Variants in THRB observed in about 807,000 individuals in gnomAD.
THRB encodes nuclear receptor subfamily 1 group A member 2.
Under a neutral mutation model 47.8 loss-of-function variants are expected in THRB, and 12 were observed. The ratio of observed to expected loss-of-function variants is 0.25; its 90% CI spans 0.16 to 0.41. The LOEUF is 0.41. THRB is among the 10% of genes least tolerant of loss of function. The pLI, the probability that THRB is intolerant of heterozygous loss-of-function variation, is 1.00. For synonymous variants in THRB, 218 were observed against 212.2 expected, an observed-to-expected ratio of 1.03 and a Z score of -0.24; for missense variants, 348 against 589.2, an observed-to-expected ratio of 0.59 and a Z score of 4.24.
intron 1 of THRB, among the ~76,000 whole-genome samples, 153 bp from the exon 2 acceptor site, chr3:24,337,524 T>A (rs529632751): frequency 6.6e-6 from 1 of 152,330 alleles, no homozygotes; most frequent in East Asian, 1.9e-4. Context: ...TAGACTTAGA[T>A]AAAATCTTAT....
chr3:24,270,349 C>T (rs1349815573), intron 3 of THRB, among the ~76,000 whole-genome samples: 2 of 152,142 alleles, frequency 1.3e-5, no homozygotes, highest in African/African-American at 4.8e-5. Flanking sequence ...CCATGAATTG[C>T]TCACTCCCTG....
In THRB at chr3:24,385,575, T is replaced by C. The variant is rs1367283795; in HGVS notation, c.-260-48204A>G. On this transcript the variant is annotated intron_variant, in intron 1 of 10. Transcript: ENST00000646209. ...AATCCTTGAGAGTTTGGACTACATA[T>C]TGTAAACATGGATCCTACAATTACA... Among the ~76,000 whole-genome samples, 4 of 152,112 alleles carry C rather than the reference T, an allele frequency of 2.6e-5. No individual in the cohort carries two copies. In the East Asian group the frequency reaches 7.7e-4, roughly 29 times the overall value.
At chr3:24,132,388 A>G (rs940817423) in intron 9 of THRB, among the ~76,000 whole-genome samples, 4 of 152,260 alleles carry the variant, frequency 2.6e-5, no homozygotes, top group African/African-American at 4.8e-5. Context: ...AATGTAACAG[A>G]TAAAATAAAA....
At chr3:24,267,210 A>G (rs1251903990) in intron 3 of THRB, among the ~76,000 whole-genome samples, 3 of 145,348 alleles carry the variant, frequency 2.1e-5, no homozygotes, top group African/African-American at 7.7e-5. Context: ...AGAAAATTTC[A>G]TAAAATAGTC....
chr3:24,164,057 A>C (rs2039290994), intron 5 of THRB, among the ~76,000 whole-genome samples: 1 of 152,106 alleles, frequency 6.6e-6, no homozygotes, highest in East Asian at 1.9e-4. Context: ...GAAACTCGTA[A>C]ATTTGGTTCT....
chr3:24,238,659 G>GTGTC (rs1429483214), intron 3 of THRB, among the ~76,000 whole-genome samples: 1 of 152,160 alleles, frequency 6.6e-6, no homozygotes, highest in Non-Finnish European at 1.5e-5. Context: ...CAGGGAGACA[G>GTGTC]TGTCTCTCAG....
At chr3:24,322,578 T>A (rs2058554318) in intron 2 of THRB, among the ~76,000 whole-genome samples, 1 of 152,214 alleles carries the variant, frequency 6.6e-6, no homozygotes, top group Non-Finnish European at 1.5e-5. Flanking sequence ...CATCTCTGGG[T>A]CTGCACATCT....
At chr3:24,469,756 A>G (rs1463989993) in intron 1 of THRB, among the ~76,000 whole-genome samples, 1 of 152,226 alleles carries the variant, frequency 6.6e-6, no homozygotes, top group African/African-American at 2.4e-5. Context: ...GCAACAAACT[A>G]TGAGCGCGTG....
intron 1 of THRB, among the ~76,000 whole-genome samples, chr3:24,379,417 T>C (rs189352284): frequency 2.6e-5 from 4 of 152,198 alleles, no homozygotes; most frequent in South Asian, 2.1e-4. Context: ...TTGTCTGACA[T>C]GGAAAAGGAC....
intron 1 of THRB, among the ~76,000 whole-genome samples, chr3:24,394,203 C>A (rs967792480): frequency 6.6e-6 from 1 of 152,032 alleles, no homozygotes; most frequent in African/African-American, 2.4e-5. Context: ...AGTATTTGCC[C>A]AGAGCCTTTA....
chr3:24,253,231 A>G (rs1384480722), intron 3 of THRB, among the ~76,000 whole-genome samples: 4 of 152,216 alleles, frequency 2.6e-5, no homozygotes. Context: ...AGATTGTTGT[A>G]TATCTATAGA....
At chr3:24,249,051 A>G (rs910727173) in intron 3 of THRB, among the ~76,000 whole-genome samples, 12 of 152,258 alleles carry the variant, frequency 7.9e-5, no homozygotes, top group African/African-American at 2.4e-4. Flanking sequence ...TACACTTGTG[A>G]AAGTGCAGTA....
chr3:24,416,451 T>C (rs1008502182), intron 1 of THRB, among the ~76,000 whole-genome samples: 1 of 151,854 alleles, frequency 6.6e-6, no homozygotes, highest in Admixed American at 6.6e-5. Flanking sequence ...GAAGTACTAA[T>C]GAACAGTAAA....
chr3:24,323,026 G>T (rs553940421), intron 2 of THRB, among the ~76,000 whole-genome samples: 13 of 152,234 alleles, frequency 8.5e-5, no homozygotes, highest in African/African-American at 2.6e-4. Flanking sequence ...ATGCCCACTT[G>T]TTTCCCATTC....
intron 5 of THRB, among the ~76,000 whole-genome samples, chr3:24,168,821 G>A (rs2040032014): frequency 6.6e-6 from 1 of 151,586 alleles, no homozygotes; most frequent in South Asian, 2.1e-4. Flanking sequence ...CACAAAAGGA[G>A]GCACGCTAGG....
chr3:24,335,509 TA>T (rs576012671), intron 2 of THRB, among the ~76,000 whole-genome samples: 51 of 152,352 alleles, frequency 3.3e-4, no homozygotes, highest in African/African-American at 1.2e-3. Flanking sequence ...ATGTTTTCTT[TA>T]TTTTCCTCTT....
In THRB at chr3:24,228,982, C is replaced by T. The variant is rs369727974; in HGVS notation, c.-23G>A. 3.7e-5 allele frequency: 59 copies of T among 1,604,108 alleles called. No homozygotes were observed. The highest frequency in any genetic ancestry group is 3.5e-4 in the South Asian group (32 of 90,628). ...CATAGGTTAGTAATCATTCTGGATCCCTTTTTTCACTGACATCTCCTACAA... is the reference window on the plus strand; with the variant it reads ...CATAGGTTAGTAATCATTCTGGATCTCTTTTTTCACTGACATCTCCTACAA... On this transcript the variant is annotated 5_prime_UTR_variant, in exon 4 of 11. Coordinates refer to ENST00000646209, the MANE Select transcript of THRB (RefSeq NM_001354712.2).
intron 4 of THRB, among the ~76,000 whole-genome samples, chr3:24,215,670 C>G (rs1420656171): frequency 1.3e-5 from 2 of 152,226 alleles, no homozygotes; most frequent in African/African-American, 4.8e-5. Context: ...TCTGCATACT[C>G]CTAACTTCCT....
At position 24,121,936 on chromosome 3, in the gene THRB, A is replaced by G. The variant is rs972946449; in HGVS notation, c.*948T>C. 3 of 152,642 alleles carry G rather than the reference A, an allele frequency of 2.0e-5. No individual in the cohort carries two copies. Among genetic ancestry groups the G allele is most frequent in the African/African-American group, 4.8e-5 (2 of 41,458 alleles). The allele number at this position is 152,642 out of a possible 1,614,324, so 9.5% of individuals were successfully genotyped here. On this transcript the variant is annotated 3_prime_UTR_variant, in exon 11 of 11. Transcript: ENST00000646209. ...CACCGTATCTTTCCTTGATTAGAAT[A>G]TTTGATCCATAGAGAAATCTGTTGT...
Sources: allele counts gnomAD v4.1 joint callset (sites outside exome capture counted in the v4.1 genomes callset), GRCh38; gene constraint gnomAD v4.1.1; transcripts MANE v1.5; gene names NCBI Gene and HGNC (gene_info 2026-07-23, HGNC 2026-07-21).